KCNK6: variants seen among roughly 807,000 people sequenced by gnomAD.
KCNK6 encodes the protein potassium channel subfamily K member 6.
Under a neutral mutation model 21.9 loss-of-function variants are expected in KCNK6, and 20 were observed. The ratio of observed to expected loss-of-function variants is 0.91; its 90% CI spans 0.64 to 1.32. KCNK6 has a LOEUF of 1.32. Among genes scored for constraint, KCNK6 ranks in the 40% most tolerant of loss-of-function variants. The pLI, the probability that KCNK6 is intolerant of heterozygous loss-of-function variation, is 0.00. For synonymous variants in KCNK6, 210 were observed against 218.0 expected (o/e 0.96, Z 0.32); for missense variants, 415 against 433.1 (o/e 0.96, Z 0.37).
At chr19:38,322,834 C>T (rs985422208) in intron 1 of KCNK6, among the ~76,000 whole-genome samples, 55 of 151,416 alleles carry the variant, frequency 3.6e-4, no homozygotes, top group African/African-American at 1.3e-3. Flanking sequence ...AAAAACAGGC[C>T]GGGCAAGTTG....
At chr19:38,323,727 C>G (rs955989471) in intron 1 of KCNK6, among the ~76,000 whole-genome samples, 4 of 152,136 alleles carry the variant, frequency 2.6e-5, no homozygotes. Flanking sequence ...TGGAACCACA[C>G]GTGCACGCCA....
At chr19:38,326,408 G>A (rs534468257) in intron 1 of KCNK6, among the ~76,000 whole-genome samples, 185 bp from the exon 2 acceptor site, 2 of 152,244 alleles carry the variant, frequency 1.3e-5, no homozygotes, top group South Asian at 4.1e-4. Flanking sequence ...AATCAACGGG[G>A]CGTGCTGGAC....
intron 1 of KCNK6, among the ~76,000 whole-genome samples, chr19:38,323,328 A>C (rs1314455901): frequency 6.6e-6 from 1 of 152,170 alleles, no homozygotes; most frequent in Non-Finnish European, 1.5e-5. Context: ...TGAAGCCTTG[A>C]ATGCATCTGG....
At chr19:38,324,080 A>C (rs972904977) in intron 1 of KCNK6, among the ~76,000 whole-genome samples, 2 of 152,010 alleles carry the variant, frequency 1.3e-5, no homozygotes, top group African/African-American at 2.4e-5. Context: ...TCTATTTATA[A>C]AGATCTCTTT....
At chr19:38,325,693 T>C (rs1046025981) in intron 1 of KCNK6, 2 of 239,240 alleles carry the variant, frequency 8.4e-6, no homozygotes, top group Non-Finnish European at 1.4e-5. Context: ...AGGTGACATT[T>C]GGATGAAGAA....
intron 1 of KCNK6, chr19:38,325,565 C>T: frequency 1.0e-6 from 1 of 981,912 alleles, no homozygotes; most frequent in South Asian, 4.7e-5. Flanking sequence ...AACTGGCAGC[C>T]TATGAGAAGA....
At chr19:38,323,387 A>G (rs550078688) in intron 1 of KCNK6, among the ~76,000 whole-genome samples, 2 of 152,220 alleles carry the variant, frequency 1.3e-5, no homozygotes, top group Non-Finnish European at 1.5e-5. Context: ...TCTTCCCACA[A>G]TGCCCCTCGT....
In KCNK6 at chr19:38,331,043, AAAG is replaced by A. The variant is rs1969764254; in HGVS notation, c.*3641_*3643del. 6.6e-6 allele frequency: 1 copy of A among 152,212 alleles called. No homozygotes were observed. Among genetic ancestry groups the A allele is most frequent in the Non-Finnish European group, 1.5e-5 (1 of 68,040 alleles). The allele number at this position is 152,212 out of a possible 1,614,324, so 9.4% of individuals were successfully genotyped here. A position where few individuals can be genotyped will look rare whatever the true frequency, so the allele number is the denominator to read the frequency against. On this transcript the variant is annotated 3_prime_UTR_variant, in exon 3 of 3. Transcript: ENST00000263372. ...GTCCTTTTTGGTCCAAGACATTAAA[AAAG>A]CCAGGCTCAGCGGCTCATGCCTGTA...
intron 1 of KCNK6, among the ~76,000 whole-genome samples, chr19:38,322,848 C>G (rs928843744): frequency 3.4e-5 from 5 of 148,188 alleles, no homozygotes; most frequent in East Asian, 4.0e-4. Context: ...CAAGTTGGCT[C>G]ACGCCTGGAA....
Position 38,320,208 on chromosome 19 carries a change from C to T in KCNK6, c.258C>T (p.Ala86=), listed in dbSNP as rs758379409. Reference sequence around the variant, plus strand: ...CTAACGCTTCGGGGTCCGCCAACGCCTCGGACCCCGCCTGGGACTTCGCCT... The same window carrying T: ...CTAACGCTTCGGGGTCCGCCAACGCTTCGGACCCCGCCTGGGACTTCGCCT... The part of the protein sequence containing the change: ...VLANASGSAN[A]SDPAWDFASA... The change falls in exon 1 of 3, where the codon GCC becomes GCT. Residue 86 remains alanine, a synonymous_variant. Transcript: ENST00000263372. 22 of 1,603,216 alleles carry T rather than the reference C, an allele frequency of 1.4e-5. No homozygotes were observed. The highest frequency in any genetic ancestry group is 1.8e-5 in the Non-Finnish European group (21 of 1,179,602).
chr19:38,323,203 A>T (rs1190931164), intron 1 of KCNK6, among the ~76,000 whole-genome samples: 1 of 152,202 alleles, frequency 6.6e-6, no homozygotes, highest in South Asian at 2.1e-4. Context: ...AACTGGGCCT[A>T]CTTAAGGACT....
intron 1 of KCNK6, among the ~76,000 whole-genome samples, chr19:38,324,283 C>T (rs904774705): frequency 1.3e-5 from 2 of 152,048 alleles, no homozygotes; most frequent in Non-Finnish European, 2.9e-5. Context: ...TGGAGTTTCC[C>T]CATCAAAAAC....
chr19:38,324,848 T>C (rs918667152), intron 1 of KCNK6, among the ~76,000 whole-genome samples: 2 of 152,120 alleles, frequency 1.3e-5, no homozygotes, highest in Non-Finnish European at 2.9e-5. Flanking sequence ...CACCTTAGCC[T>C]CCTAGAGGGC....
At chr19:38,320,313 TC>T in intron 1 of KCNK6, 41 bp downstream of exon 1, 1 of 1,597,818 alleles carries the variant, frequency 6.3e-7, no homozygotes, top group Non-Finnish European at 8.5e-7. Context: ...GGACCCGGGA[TC>T]CCCACTTCAT....
chr19:38,325,310 T>C (rs1184873999), intron 1 of KCNK6: 1 of 703,674 alleles, frequency 1.4e-6, no homozygotes, highest in Non-Finnish European at 1.7e-6. Context: ...AGAGACGGGG[T>C]TTCACCATAT....
At chr19:38,321,055 C>A (rs1270663570) in intron 1 of KCNK6, among the ~76,000 whole-genome samples, 1 of 152,156 alleles carries the variant, frequency 6.6e-6, no homozygotes, top group Non-Finnish European at 1.5e-5. Flanking sequence ...CCACCCTTGC[C>A]ATGTCTCCTG....
rs370464884 is a variant in KCNK6 at position 38,327,225 on chromosome 19, C to T, written c.764C>T (p.Thr255Ile). Residue 255 changes from threonine (T) to isoleucine (I), a missense_variant, in exon 3 of 3, where the codon ACC (threonine) becomes ATC (isoleucine). Coordinates refer to ENST00000263372, the MANE Select transcript of KCNK6 (RefSeq NM_004823.3). Reference protein sequence around the residue: ...GLVAMVLVLQTFRHVSDLHGL... With the variant: ...GLVAMVLVLQIFRHVSDLHGL... ...GTGGCCATGGTGCTGGTGCTGCAGA[C>T]CTTCCGCCACGTGTCCGACCTCCAC... 1 of 1,613,508 alleles carries T rather than the reference C, an allele frequency of 6.2e-7. No individual in the cohort carries two copies. Among genetic ancestry groups the T allele is most frequent in the Non-Finnish European group, 8.5e-7 (1 of 1,180,030 alleles).
rs189978547 is a variant in KCNK6, at chr19:38,320,060, G to A, written c.110G>A (p.Arg37Gln). 0.016 allele frequency: 24,627 copies of A among 1,517,316 alleles called. 233 individuals are homozygous for A. Among genetic ancestry groups the A allele is most frequent in the Non-Finnish European group, 0.019 (21,838 of 1,139,654 alleles). The allele number at this position is 1,517,316 out of a possible 1,614,324, so 94.0% of individuals were successfully genotyped here. A position where few individuals can be genotyped will look rare whatever the true frequency, so the allele number is the denominator to read the frequency against. ...RLEGPHEARLRAELETLRAQL... is the reference protein window; with the variant it reads ...RLEGPHEARLQAELETLRAQL... ...GAGGGGCCGCACGAAGCCAGGCTCCGAGCCGAGCTGGAGACGCTGCGGGCG... is the reference window on the plus strand; with the variant it reads ...GAGGGGCCGCACGAAGCCAGGCTCCAAGCCGAGCTGGAGACGCTGCGGGCG... The change falls in exon 1 of 3, where the codon CGA (arginine) becomes CAA (glutamine). Residue 37 changes from arginine to glutamine, a missense_variant. Physicochemically the swap from Arg to Gln is conservative, Grantham distance 43. Coordinates refer to ENST00000263372, the MANE Select transcript of KCNK6 (RefSeq NM_004823.3).
chr19:38,320,513 T>C (rs11878707), intron 1 of KCNK6, among the ~76,000 whole-genome samples: 8,369 of 151,352 alleles, frequency 0.055, 257 homozygotes, highest in East Asian at 0.089. Context: ...CAGAGTACCT[T>C]TGCAGAGACC....
Sources: gnomAD v4.1 joint callset for allele counts (sites outside exome capture counted in the v4.1 genomes callset) on GRCh38, gnomAD v4.1.1 for gene constraint, MANE v1.5 for transcripts, NCBI Gene and HGNC (gene_info 2026-07-23, HGNC 2026-07-21) for gene names.